The following FADS2 variants were observed in gnomAD, a reference collection of about 807,000 sequenced individuals.
FADS2 encodes the protein fatty acid desaturase 2.
A neutral mutation model predicts 61.2 loss-of-function variants in FADS2; 18 were observed. That is an observed-to-expected ratio of 0.29 (90% CI 0.20 to 0.44). The LOEUF (loss-of-function observed/expected upper bound fraction) is 0.44. FADS2 is among the 20% of genes least tolerant of loss of function. FADS2 has a pLI of 1.00. For missense variants in FADS2, 322 were observed against 572.7 expected (o/e 0.56, Z 4.47); for synonymous variants, 203 against 223.9 (o/e 0.91, Z 0.83).
intron 7 of FADS2, among the ~76,000 whole-genome samples, chr11:61,861,333 G>A (rs978081974): frequency 2.4e-4 from 20 of 82,716 alleles, no homozygotes; most frequent in African/African-American, 8.3e-4. Flanking sequence ...TAGCCTGGGC[G>A]ACAGAGCGAG....
At chr11:61,836,756 T>A (rs2067178011) in intron 1 of FADS2, among the ~76,000 whole-genome samples, 1 of 152,244 alleles carries the variant, frequency 6.6e-6, no homozygotes, top group South Asian at 2.1e-4. Flanking sequence ...TTGTATGTTT[T>A]TCCCCAGCTA....
upstream of FADS2, chr11:61,816,212 C>A: frequency 6.4e-7 from 1 of 1,567,886 alleles, no homozygotes. This position sits in a 1 kb window ranked among gnomAD's most constrained non-coding sequence, Gnocchi z 7.0. Flanking sequence ...CATCCTTGCT[C>A]TCCTCCCTCC....
In FADS2 at chr11:61,839,193, C is replaced by T. The variant is rs144400111; in HGVS notation, c.319-1141C>T. On this transcript the variant is annotated intron_variant, in intron 2 of 11. Transcript: ENST00000278840. Reference sequence around the variant, plus strand: ...GGACTCACAGCCCCCTCCTGCCTGCCTCAGCTCGCCCTCCTGCGCTAGTTT... The same window carrying T: ...GGACTCACAGCCCCCTCCTGCCTGCTTCAGCTCGCCCTCCTGCGCTAGTTT... 2.9e-3 allele frequency among the ~76,000 whole-genome samples: 440 copies of T among 152,340 alleles called. 2 individuals carry two copies. The highest frequency in any genetic ancestry group is 9.9e-3 in the African/African-American group (411 of 41,576).
chr11:61,833,300 A>G (rs1451193115), intron 1 of FADS2, among the ~76,000 whole-genome samples: 2 of 152,178 alleles, frequency 1.3e-5, no homozygotes, highest in East Asian at 3.9e-4. Context: ...TGGTCCAAAG[A>G]CAAAGTTTGG....
intron 1 of FADS2, among the ~76,000 whole-genome samples, chr11:61,820,867 TCCAGCC>T (rs2135947112): frequency 6.6e-6 from 1 of 152,202 alleles, no homozygotes; most frequent in South Asian, 2.1e-4. Flanking sequence ...ACCACTGCAC[TCCAGCC>T]TGGGTGACAG....
upstream of FADS2, among the ~76,000 whole-genome samples, chr11:61,825,097 A>G (rs2067072583): frequency 6.6e-6 from 1 of 152,138 alleles, no homozygotes; most frequent in Non-Finnish European, 1.5e-5. Flanking sequence ...GATTATAGGC[A>G]TAAGCCACTG....
chr11:61,828,311 G>T lies in FADS2; in HGVS notation c.-80G>T. On this transcript the variant is annotated 5_prime_UTR_variant, in exon 1 of 12. Coordinates refer to ENST00000278840, the MANE Select transcript of FADS2 (RefSeq NM_004265.4). The surrounding 1 kb of genome is among the most constrained non-coding windows in gnomAD (Gnocchi z 6.4). ...AAGAGGGCCCGGGCTGCACACACCG[G>T]CTGGGAGGCAGCCGTCTGTGCAGCG... 6.6e-7 allele frequency: 1 copy of T among 1,520,024 alleles called. No homozygotes were observed. Among genetic ancestry groups the T allele is most frequent in the Non-Finnish European group, 8.8e-7 (1 of 1,134,232 alleles). The allele number at this position is 1,520,024 out of a possible 1,614,324, so 94.2% of individuals were successfully genotyped here.
chr11:61,865,210 C>T lies in FADS2; in HGVS notation c.1216C>T (p.Leu406=), dbSNP rs1281706174. 1 of 1,613,938 alleles carries T rather than the reference C, an allele frequency of 6.2e-7. No individual in the cohort carries two copies. Among genetic ancestry groups the T allele is most frequent in the Admixed American group, 1.7e-5 (1 of 60,034 alleles). Residue 406 remains leucine (L), a synonymous_variant, in exon 11 of 12, where the codon CTA becomes TTA. Coordinates refer to ENST00000278840, the MANE Select transcript of FADS2 (RefSeq NM_004265.4). The surrounding 1 kb of genome is among the most constrained non-coding windows in gnomAD (Gnocchi z 4.1). The part of the protein sequence containing the change: ...LHKIAPLVKS[L]CAKHGIEYQE... Reference sequence around the variant, plus strand: ...CAAGATCGCCCCGCTGGTGAAGTCTCTATGTGCCAAGCATGGCATTGAATA... The same window carrying T: ...CAAGATCGCCCCGCTGGTGAAGTCTTTATGTGCCAAGCATGGCATTGAATA...
At chr11:61,856,191 T>C (rs902863113) in intron 5 of FADS2, 1 of 152,186 alleles carries the variant, frequency 6.6e-6, no homozygotes, top group African/African-American at 2.4e-5. Context: ...ACCATGGAAT[T>C]AAGGGCTCCA....
chr11:61,819,318 A>C (rs899848005), intron 1 of FADS2, among the ~76,000 whole-genome samples: 2 of 152,262 alleles, frequency 1.3e-5, no homozygotes, highest in African/African-American at 4.8e-5. Flanking sequence ...CCTCACGCCT[A>C]TAATCCTAGC....
At chr11:61,817,536 TTATTTTTATTG>T (rs374709964) in intron 1 of FADS2, among the ~76,000 whole-genome samples, 1 of 152,234 alleles carries the variant, frequency 6.6e-6, no homozygotes, top group African/African-American at 2.4e-5. Flanking sequence ...CTTTTTGTTT[TTATTTTTATTG>T]TATTTTGGAA....
At chr11:61,824,488 G>GAAAGAAAA (rs1460124325), upstream of FADS2, among the ~76,000 whole-genome samples, 1 of 54,256 alleles carries the variant, frequency 1.8e-5, no homozygotes, top group Non-Finnish European at 3.4e-5. Context: ...GAGAGAGAGA[G>GAAAGAAAA]AGAAAGAAAG....
intron 1 of FADS2, among the ~76,000 whole-genome samples, chr11:61,819,741 G>A (rs1565323904): frequency 6.6e-6 from 1 of 152,026 alleles, no homozygotes; most frequent in East Asian, 1.9e-4. Context: ...TATACTTTAA[G>A]TTTTAAGGTA....
chr11:61,846,532 T>C (rs2067261622), intron 4 of FADS2: 1 of 152,058 alleles, frequency 6.6e-6, no homozygotes, highest in Non-Finnish European at 1.5e-5. Context: ...TGGCTATTAG[T>C]GTCCATAGAC....
chr11:61,839,024 G>A (rs2067197111), intron 2 of FADS2, among the ~76,000 whole-genome samples: 2 of 152,062 alleles, frequency 1.3e-5, no homozygotes, highest in Admixed American at 1.3e-4. Flanking sequence ...TGCCCTGTGG[G>A]TACCGCTCCT....
At chr11:61,863,446 C>A in intron 9 of FADS2, 68 bp downstream of exon 9, 3 of 1,208,588 alleles carry the variant, frequency 2.5e-6, no homozygotes, top group Non-Finnish European at 3.7e-6. Context: ...AGATGATCTG[C>A]ACCTGCTAAC....
intron 1 of FADS2, among the ~76,000 whole-genome samples, chr11:61,818,014 C>T (rs1441537596): frequency 6.6e-6 from 1 of 152,078 alleles, no homozygotes; most frequent in Non-Finnish European, 1.5e-5. Context: ...GAGATTTGAC[C>T]CTGGCCTGTG....
At chr11:61,817,606 A>T (rs2066998990) in intron 1 of FADS2, among the ~76,000 whole-genome samples, 1 of 152,134 alleles carries the variant, frequency 6.6e-6, no homozygotes. Context: ...CCTGACCCTT[A>T]GGTGTTTCAC....
At chr11:61,861,462 A>G (rs1332517693) in intron 7 of FADS2, among the ~76,000 whole-genome samples, 1 of 151,972 alleles carries the variant, frequency 6.6e-6, no homozygotes, top group Admixed American at 6.6e-5. Flanking sequence ...AGCCTGGGCA[A>G]TAAAGCAAGA....
Sources: allele counts gnomAD v4.1 joint callset (sites outside exome capture counted in the v4.1 genomes callset), GRCh38; gene constraint gnomAD v4.1.1; non-coding constraint Gnocchi (gnomAD v3.1); transcripts MANE v1.5; gene names NCBI Gene and HGNC (gene_info 2026-07-23, HGNC 2026-07-21).